NOX1: variants seen among roughly 807,000 people sequenced by gnomAD.
The protein encoded by NOX1 is NADPH oxidase 1.
Under a neutral mutation model 42.5 loss-of-function variants are expected in NOX1, and 34 were observed. That is an observed-to-expected ratio of 0.80 (90% CI 0.61 to 1.07). The LOEUF (loss-of-function observed/expected upper bound fraction) is 1.07. Among genes scored for constraint, NOX1 ranks in the 50% least tolerant of loss-of-function variants. The pLI is 0.00. For synonymous variants in NOX1, 143 were observed against 152.5 expected (o/e 0.94, Z 0.46); for missense variants, 408 against 427.0 (o/e 0.96, Z 0.39).
At position 100,844,051 on chromosome X, in the gene NOX1, G is replaced by A; in HGVS notation, c.1596C>T (p.Gly532=). The A allele has an allele frequency of 5.8e-6, 7 of 1,197,607 alleles. No individual in the cohort carries two copies. Among genetic ancestry groups the A allele is most frequent in the Non-Finnish European group, 7.9e-6 (7 of 886,605 alleles). The change falls in exon 13 of 13, where the codon GGC becomes GGT. Residue 532 remains glycine, a synonymous_variant. Coordinates refer to ENST00000372966, the MANE Select transcript of NOX1 (RefSeq NM_007052.5). ...PKSVVGVFLC[G]PRTLAKSLRK... ...GCAGGCTCTTTGCCAAAGTCCGAGG[G>A]CCACATAAGAAAACTCCCACTACAG...
intron 7 of NOX1, chrX:100,855,529 C>T (rs749676999): frequency 2.4e-4 from 175 of 739,928 alleles, no homozygotes; most frequent in Non-Finnish European, 3.5e-4. Context: ...CCTCTGCCTC[C>T]CTTGTTACAG....
chrX:100,870,735 G>T lies in NOX1; in HGVS notation c.125C>A (p.Thr42Lys). The change falls in exon 2 of 13, where the codon ACA becomes AAA. Residue 42 changes from threonine to lysine, a missense_variant. Thr to Lys is a moderately conservative substitution (Grantham distance 78, BLOSUM62 -1). Transcript: ENST00000372966. Reference protein sequence around the residue: ...KYEKADKYYYTRKILGSTLAC... With the variant: ...KYEKADKYYYKRKILGSTLAC... ...GATACTCACCCCAAGGATTTTTCTTGTGTAGTAGTATTTGTCGGCCTTCTC... is the reference window on the plus strand; with the variant it reads ...GATACTCACCCCAAGGATTTTTCTTTTGTAGTAGTATTTGTCGGCCTTCTC... 8.5e-7 allele frequency: 1 copy of T among 1,172,864 alleles called. No homozygotes were observed. The highest frequency in any genetic ancestry group is 1.2e-6 in the Non-Finnish European group (1 of 861,495).
At position 100,870,582 on chromosome X, in the gene NOX1, C is replaced by CAA. The variant is rs766844986; in HGVS notation, c.141+135_141+136dup. On this transcript the variant is annotated intron_variant, in intron 2 of 12. Transcript: ENST00000372966. ...AATAATTTGTCATTTATCTGAAACT[C>CAA]AAAGTCAGTTGGGCATTCTGTACTT... 5.3e-4 allele frequency: 265 copies of CAA among 499,788 alleles called. 1 individual carries two copies. The Middle Eastern group carries it at 6.0e-3, about 11-fold the overall frequency. 41.2% of individuals were successfully genotyped at this position (499,788 alleles called of 1,213,427 possible).
intron 2 of NOX1, among the ~76,000 whole-genome samples, chrX:100,866,421 G>T (rs1193745765): frequency 9.2e-6 from 1 of 109,279 alleles, no homozygotes; most frequent in Non-Finnish European, 1.9e-5. Context: ...ATAAACGATA[G>T]TACCCACCTC....
intron 2 of NOX1, among the ~76,000 whole-genome samples, chrX:100,864,593 T>C (rs931951454): frequency 2.7e-5 from 3 of 111,838 alleles, no homozygotes; most frequent in Non-Finnish European, 5.6e-5. Flanking sequence ...CCAGGCAGCA[T>C]AAATCAAGAA....
intron 8 of NOX1, 121 bp from the exon 9 acceptor site, chrX:100,850,507 C>G: frequency 2.1e-6 from 1 of 468,379 alleles, no homozygotes; most frequent in Non-Finnish European, 3.7e-6. Flanking sequence ...CACAAGTCCT[C>G]TCTAAAGAGG....
chrX:100,862,725 A>T lies in NOX1; in HGVS notation c.433T>A (p.Ser145Thr). 1.7e-6 allele frequency: 2 copies of T among 1,198,983 alleles called. No homozygotes were observed. Among genetic ancestry groups the T allele is most frequent in the Non-Finnish European group, 2.2e-6 (2 of 891,838 alleles). Residue 145 changes from serine to threonine, a missense_variant, in exon 5 of 13, where the codon TCT (serine) becomes ACT (threonine). By Grantham distance (58) the Ser-to-Thr change is moderately conservative (BLOSUM62 1). Coordinates refer to ENST00000372966, the MANE Select transcript of NOX1 (RefSeq NM_007052.5). ...GAACCCCCCTTTTTCTCATCATGAG[A>T]TAGGCTGGAGAGAATGGAGGCAAGG... is the stretch of plus-strand genomic sequence containing the variant. ...GSLASILSSL[S>T]HDEKKGGSWL...
chrX:100,855,072 T>C (rs139921110), intron 7 of NOX1, among the ~76,000 whole-genome samples: 3,847 of 112,281 alleles, frequency 0.034, 104 homozygotes, highest in African/African-American at 0.092. Flanking sequence ...ACACTTTCCA[T>C]AGAACAGAAA....
chrX:100,853,303 T>TC lies in NOX1; in HGVS notation c.805-1979_805-1978insG, dbSNP rs1219667727. 2.3e-3 allele frequency among the ~76,000 whole-genome samples: 199 copies of TC among 86,237 alleles called. 1 individual carries two copies. Among genetic ancestry groups the TC allele is most frequent in the African/African-American group, 8.0e-3 (169 of 21,159 alleles). The allele number at this position is 86,237 out of a possible 115,157, so 74.9% of individuals were successfully genotyped here. A position where few individuals can be genotyped will look rare whatever the true frequency, so the allele number is the denominator to read the frequency against. ...CTTTCTTTCTTTCTTTCTTTCTTTC[T>TC]TTCTTTCTTTCTTTCTTTCTCTCTC... is the stretch of plus-strand genomic sequence containing the variant. On this transcript the variant is annotated intron_variant, in intron 7 of 12. Transcript: ENST00000372966.
Position 100,850,081 on chromosome X carries a change from C to A in NOX1, c.1133+70G>T. 8 of 1,027,282 alleles carry A rather than the reference C, an allele frequency of 7.8e-6. No homozygotes were observed. The South Asian group carries it at 1.3e-4, about 17-fold the overall frequency. The allele number at this position is 1,027,282 out of a possible 1,213,427, so 84.7% of individuals were successfully genotyped here. On this transcript the variant is annotated intron_variant, in intron 9 of 12. Transcript: ENST00000372966. ...CTATTGTACCAAACTTAAGATTCAA[C>A]GAAGAATTGCTTTCTCTTTTCTGCC...
intron 7 of NOX1, among the ~76,000 whole-genome samples, chrX:100,853,278 C>A (rs746579995): frequency 8.4e-5 from 5 of 59,586 alleles, no homozygotes; most frequent in African/African-American, 2.8e-4. Flanking sequence ...TTCTTTCTTT[C>A]TTTCTTTCTT....
intron 10 of NOX1, 95 bp from the exon 11 acceptor site, chrX:100,849,521 T>A: frequency 2.1e-6 from 2 of 950,123 alleles, no homozygotes; most frequent in Non-Finnish European, 1.4e-6. Context: ...TGTTCAGAGT[T>A]CTGACAATTT....
chrX:100,863,658 CT>C, intron 2 of NOX1, 63 bp from the exon 3 acceptor site: 1 of 1,147,047 alleles, frequency 8.7e-7, no homozygotes, highest in Non-Finnish European at 1.2e-6. Flanking sequence ...ACGTGAGCAA[CT>C]GACCCAGCCC....
At chrX:100,847,294 G>A (rs977232599) in intron 12 of NOX1, among the ~76,000 whole-genome samples, 1 of 111,703 alleles carries the variant, frequency 9.0e-6, no homozygotes, top group Non-Finnish European at 1.9e-5. Flanking sequence ...CACCCCATGT[G>A]GCCGTAGACT....
At chrX:100,853,698 G>A (rs1320942711) in intron 7 of NOX1, among the ~76,000 whole-genome samples, 17 of 107,652 alleles carry the variant, frequency 1.6e-4, no homozygotes, top group African/African-American at 5.1e-4. Context: ...ACCACACCTG[G>A]CGAATTTTTG....
chrX:100,853,269 T>C (rs1238669677), intron 7 of NOX1, among the ~76,000 whole-genome samples: 4 of 43,449 alleles, frequency 9.2e-5, no homozygotes, highest in Non-Finnish European at 1.7e-4. Flanking sequence ...TTCCTTTCTT[T>C]CTTTCTTTCT....
intron 7 of NOX1, among the ~76,000 whole-genome samples, chrX:100,854,574 CT>C (rs1234415243): frequency 1.8e-5 from 2 of 110,967 alleles, no homozygotes; most frequent in South Asian, 3.8e-4. Context: ...AGCTCCCTAT[CT>C]TTTTTTTCAA....
chrX:100,851,442 G>A, intron 7 of NOX1, 117 bp from the exon 8 acceptor site: 1 of 360,958 alleles, frequency 2.8e-6, no homozygotes, highest in South Asian at 9.9e-5. Flanking sequence ...TCATTTTTAA[G>A]CTACTAATTT....
At chrX:100,845,545 A>G (rs1480758677) in intron 12 of NOX1, among the ~76,000 whole-genome samples, 1 of 107,288 alleles carries the variant, frequency 9.3e-6, no homozygotes, top group Non-Finnish European at 1.9e-5. Flanking sequence ...TTGTGTAGAC[A>G]TATATTTTCA....
Sources: allele counts gnomAD v4.1 joint callset (sites outside exome capture counted in the v4.1 genomes callset), GRCh38; gene constraint gnomAD v4.1.1; transcripts MANE v1.5; gene names NCBI Gene and HGNC (gene_info 2026-07-23, HGNC 2026-07-21).